The following SS18L1 variants were observed in gnomAD, a reference collection of about 807,000 sequenced individuals.
SS18L1 encodes the protein SS18L1 subunit of BAF chromatin remodeling complex.
A neutral mutation model predicts 70.3 loss-of-function variants in SS18L1; 32 were observed. That is an observed-to-expected ratio of 0.46 (90% CI 0.34 to 0.61). The LOEUF is 0.61. SS18L1 is among the 20% of genes least tolerant of loss of function. SS18L1 has a pLI of 0.01. For missense variants in SS18L1, 430 were observed against 542.1 expected, an observed-to-expected ratio of 0.79 and a Z score of 2.05; for synonymous variants, 237 against 229.7, an observed-to-expected ratio of 1.03 and a Z score of -0.29.
intron 1 of SS18L1, among the ~76,000 whole-genome samples, chr20:62,157,297 G>C (rs926085927): frequency 6.6e-6 from 1 of 152,196 alleles, no homozygotes; most frequent in Admixed American, 6.5e-5. Flanking sequence ...GCCTTGGGCC[G>C]CTTGATTTGG....
At chr20:62,148,571 G>A (rs1458931183) in intron 1 of SS18L1, among the ~76,000 whole-genome samples, 1 of 151,920 alleles carries the variant, frequency 6.6e-6, no homozygotes, top group Non-Finnish European at 1.5e-5. Flanking sequence ...TCTTAGGTGA[G>A]GGAGGCTCAG....
intron 10 of SS18L1, among the ~76,000 whole-genome samples, chr20:62,178,839 C>T (rs1234909641): frequency 6.6e-6 from 1 of 152,148 alleles, no homozygotes; most frequent in African/African-American, 2.4e-5. Flanking sequence ...GTAGCAGGCT[C>T]GGGGGCAGAT....
intron 10 of SS18L1, chr20:62,175,320 G>T (rs764820290): frequency 1.3e-5 from 13 of 985,334 alleles, no homozygotes; most frequent in Non-Finnish European, 1.6e-5. Context: ...ACAGGTGGGC[G>T]TAGGGGCCTC....
At chr20:62,149,891 C>T (rs937079225) in intron 1 of SS18L1, among the ~76,000 whole-genome samples, 1 of 152,174 alleles carries the variant, frequency 6.6e-6, no homozygotes, top group Non-Finnish European at 1.5e-5. Context: ...ACAGACGTCG[C>T]GTGTTGCTAG....
chr20:62,163,842 G>A (rs910637693), intron 6 of SS18L1, among the ~76,000 whole-genome samples: 2 of 152,062 alleles, frequency 1.3e-5, no homozygotes, highest in Admixed American at 6.5e-5. Flanking sequence ...GTCAGTGTTG[G>A]GGGCAGGGGC....
intron 1 of SS18L1, among the ~76,000 whole-genome samples, chr20:62,150,633 AT>A (rs34708339): frequency 2.3e-3 from 134 of 58,028 alleles, no homozygotes; most frequent in Non-Finnish European, 3.8e-3. Flanking sequence ...ATTGAGGTGG[AT>A]TTTTTTTTTT....
chr20:62,175,889 T>C (rs6587294), intron 10 of SS18L1, among the ~76,000 whole-genome samples: 6,693 of 152,140 alleles, frequency 0.044, 469 homozygotes, highest in African/African-American at 0.15. Flanking sequence ...TTTACACAGA[T>C]GTCAGGAGGG....
At chr20:62,144,279 C>T (rs1215353821) in intron 1 of SS18L1, among the ~76,000 whole-genome samples, 2 of 151,862 alleles carry the variant, frequency 1.3e-5, no homozygotes, top group East Asian at 2.0e-4. Flanking sequence ...GGGCCGGAGC[C>T]GCGGCGAGGG....
Position 62,158,899 on chromosome 20 carries a change from C to G in SS18L1, c.146+151C>G, listed in dbSNP as rs1216625191. On this transcript the variant is annotated intron_variant, in intron 2 of 10. Coordinates refer to ENST00000331758, the MANE Select transcript of SS18L1 (RefSeq NM_198935.3). This position sits in a 1 kb window ranked among gnomAD's most constrained non-coding sequence, Gnocchi z 4.5. ...AGGCCAGATATGTCCCAGGAGTCCC[C>G]TGCACAGAGGCCAGATATGTCCCAG... The G allele has an allele frequency of 1.2e-6, 2 of 1,600,986 alleles. No individual in the cohort carries two copies. The highest frequency in any genetic ancestry group is 1.3e-5 in the African/African-American group (1 of 74,508).
At chr20:62,164,359 C>T in intron 7 of SS18L1, 113 bp downstream of exon 7, 5 of 1,115,222 alleles carry the variant, frequency 4.5e-6, no homozygotes, top group Non-Finnish European at 6.3e-6. Flanking sequence ...TCAGTCATTC[C>T]AGCTCAGGCC....
chr20:62,164,054 C>T (rs1231338514), intron 6 of SS18L1, 91 bp from the exon 7 acceptor site: 2 of 1,196,348 alleles, frequency 1.7e-6, no homozygotes, highest in Non-Finnish European at 2.4e-6. Flanking sequence ...TGAGGCCATT[C>T]AGCAAGGCCT....
At chr20:62,168,537 C>T (rs569328577) in intron 8 of SS18L1, among the ~76,000 whole-genome samples, 17 of 152,066 alleles carry the variant, frequency 1.1e-4, no homozygotes, top group Admixed American at 3.9e-4. Context: ...ATCCCAGCAT[C>T]AGGCCAGGTG....
chr20:62,171,564 A>G (rs1037930919), intron 8 of SS18L1, among the ~76,000 whole-genome samples: 1 of 152,222 alleles, frequency 6.6e-6, no homozygotes, highest in Non-Finnish European at 1.5e-5. Context: ...CCACCTAACT[A>G]CAGATTGAAT....
intron 8 of SS18L1, among the ~76,000 whole-genome samples, chr20:62,166,643 G>A (rs999448641): frequency 1.6e-5 from 2 of 123,828 alleles, no homozygotes; most frequent in Non-Finnish European, 3.3e-5. Flanking sequence ...AGAAGAAAGA[G>A]CCTAGGTGTT....
intron 1 of SS18L1, among the ~76,000 whole-genome samples, chr20:62,146,001 G>A (rs1400929141): frequency 6.7e-6 from 1 of 148,896 alleles, no homozygotes; most frequent in Non-Finnish European, 1.5e-5. Flanking sequence ...ATTCTGCGTG[G>A]TAGCGAAGGA....
Position 62,174,701 on chromosome 20 carries a change from T to G in SS18L1, c.1164+57T>G. ...ATCCGCCGCGCCTGTCGAGACATAATGAAGATTTCTCTTATGGCCATGAGG... is the reference window on the plus strand; with the variant it reads ...ATCCGCCGCGCCTGTCGAGACATAAGGAAGATTTCTCTTATGGCCATGAGG... On this transcript the variant is annotated intron_variant, in intron 10 of 10. Coordinates refer to ENST00000331758, the MANE Select transcript of SS18L1 (RefSeq NM_198935.3). This position sits in a 1 kb window ranked among gnomAD's most constrained non-coding sequence, Gnocchi z 4.1. 1 of 1,612,388 alleles carries G rather than the reference T, an allele frequency of 6.2e-7. No individual in the cohort carries two copies. The highest frequency in any genetic ancestry group is 8.5e-7 in the Non-Finnish European group (1 of 1,179,796).
intron 1 of SS18L1, chr20:62,154,591 G>T (rs2057189536): frequency 1.0e-6 from 1 of 977,930 alleles, no homozygotes; most frequent in African/African-American, 1.7e-5. Flanking sequence ...TCCTCCGGAA[G>T]TCTCCGTGAG....
At chr20:62,146,869 C>G (rs961132348) in intron 1 of SS18L1, among the ~76,000 whole-genome samples, 1 of 149,644 alleles carries the variant, frequency 6.7e-6, no homozygotes, top group South Asian at 2.1e-4. Flanking sequence ...TCTGCCCCCT[C>G]CCCCCCTTAG....
intron 1 of SS18L1, among the ~76,000 whole-genome samples, chr20:62,157,733 C>T (rs2057248656): frequency 6.6e-6 from 1 of 152,222 alleles, no homozygotes. Context: ...CCGGCCTTCC[C>T]TGTGTGGCCT....
Sources: gnomAD v4.1 joint callset for allele counts (sites outside exome capture counted in the v4.1 genomes callset) on GRCh38, gnomAD v4.1.1 for gene constraint, Gnocchi (gnomAD v3.1) non-coding constraint, MANE v1.5 for transcripts, NCBI Gene and HGNC (gene_info 2026-07-23, HGNC 2026-07-21) for gene names.